ZC3H12B: variants seen among roughly 807,000 people sequenced by gnomAD.
ZC3H12B encodes the protein probable ribonuclease ZC3H12B.
Under a neutral mutation model 43.9 loss-of-function variants are expected in ZC3H12B, and 7 were observed. The observed-to-expected ratio is 0.16, with a 90% CI of 0.09 to 0.30. The LOEUF (loss-of-function observed/expected upper bound fraction) is 0.30. Ranked by LOEUF, ZC3H12B falls within the 10% of genes least tolerant of loss-of-function variation. ZC3H12B has a pLI of 1.00. For missense variants in ZC3H12B, 475 were observed against 670.2 expected (o/e 0.71, Z 3.22); for synonymous variants, 222 against 241.7 (o/e 0.92, Z 0.76).
chrX:65,441,426 G>A (rs1214684087), intron 3 of ZC3H12B, among the ~76,000 whole-genome samples: 1 of 111,619 alleles, frequency 9.0e-6, no homozygotes. Flanking sequence ...TTATTTCACA[G>A]GTAGGATGTT....
upstream of ZC3H12B, among the ~76,000 whole-genome samples, chrX:65,365,295 T>C (rs2066158822): frequency 9.0e-6 from 1 of 111,585 alleles, no homozygotes; most frequent in African/African-American, 3.3e-5. Context: ...TCTTGAGTAC[T>C]CTAATTGGAT....
the ZC3H12B span, among the ~76,000 whole-genome samples, chrX:65,225,813 G>C: frequency 3.6e-5 from 4 of 111,521 alleles, no homozygotes; most frequent in Admixed American, 3.8e-4. Flanking sequence ...AGTGAGAAGG[G>C]AAGTTTAGAG....
the ZC3H12B span, among the ~76,000 whole-genome samples, chrX:65,250,807 G>A: frequency 1.8e-5 from 2 of 111,543 alleles, no homozygotes; most frequent in East Asian, 5.6e-4. Flanking sequence ...TTGTAAATTT[G>A]TTTGAGTTCT....
At chrX:65,351,573 C>T in the ZC3H12B span, among the ~76,000 whole-genome samples, 2 of 112,250 alleles carry the variant, frequency 1.8e-5, no homozygotes, top group South Asian at 3.7e-4. Context: ...ATCCATCTGA[C>T]AAAGGGCTAA....
the ZC3H12B span, among the ~76,000 whole-genome samples, chrX:65,138,500 T>G: frequency 8.9e-6 from 1 of 112,461 alleles, no homozygotes; most frequent in Non-Finnish European, 1.9e-5. Context: ...CACTTGTGTT[T>G]ATTTCATATT....
the ZC3H12B span, among the ~76,000 whole-genome samples, chrX:65,082,739 GA>G: frequency 9.0e-6 from 1 of 110,893 alleles, no homozygotes; most frequent in South Asian, 3.8e-4. Flanking sequence ...AGGAAGTAGG[GA>G]GACTTCCACA....
At chrX:65,092,711 C>A in the ZC3H12B span, among the ~76,000 whole-genome samples, 2 of 112,069 alleles carry the variant, frequency 1.8e-5, no homozygotes. Context: ...ACAGCCTATG[C>A]TCATATGTGT....
the ZC3H12B span, among the ~76,000 whole-genome samples, chrX:65,162,357 A>C: frequency 1.4e-3 from 158 of 111,865 alleles, no homozygotes; most frequent in African/African-American, 4.9e-3. Flanking sequence ...TATCCTGCGG[A>C]GTGTTTTCCA....
chrX:65,049,468 A>G, the ZC3H12B span, among the ~76,000 whole-genome samples: 1 of 111,611 alleles, frequency 9.0e-6, no homozygotes, highest in Non-Finnish European at 1.9e-5. Context: ...ATTGTTGAAT[A>G]TCATTTGACT....
chrX:65,288,602 C>A, the ZC3H12B span, among the ~76,000 whole-genome samples: 3 of 111,550 alleles, frequency 2.7e-5, no homozygotes. Context: ...TAAATTTCAA[C>A]AAAAAGCCAT....
At chrX:65,035,602 C>CGCTCTG in the ZC3H12B span, among the ~76,000 whole-genome samples, 5 of 111,230 alleles carry the variant, frequency 4.5e-5, no homozygotes, top group Non-Finnish European at 9.4e-5. Context: ...CCTTTCCCCT[C>CGCTCTG]GCTCTGGCTC....
At chrX:65,116,922 G>A in the ZC3H12B span, among the ~76,000 whole-genome samples, 1 of 112,020 alleles carries the variant, frequency 8.9e-6, no homozygotes, top group Non-Finnish European at 1.9e-5. Flanking sequence ...GTATTCCATG[G>A]TGTATATGTG....
At chrX:65,206,953 A>T in the ZC3H12B span, among the ~76,000 whole-genome samples, 2 of 109,362 alleles carry the variant, frequency 1.8e-5, no homozygotes, top group Non-Finnish European at 3.8e-5. Flanking sequence ...AAACCACAGT[A>T]TGATACCACC....
At chrX:65,180,499 G>T in the ZC3H12B span, among the ~76,000 whole-genome samples, 1 of 111,570 alleles carries the variant, frequency 9.0e-6, no homozygotes, top group Non-Finnish European at 1.9e-5. Context: ...TGACATGATT[G>T]TATATTTAGA....
chrX:65,353,508 C>A, the ZC3H12B span, among the ~76,000 whole-genome samples: 1 of 111,963 alleles, frequency 8.9e-6, no homozygotes, highest in Non-Finnish European at 1.9e-5. Context: ...GGCTCTTGCA[C>A]CAAACATTCA....
At chrX:65,238,282 T>C in the ZC3H12B span, among the ~76,000 whole-genome samples, 3 of 111,869 alleles carry the variant, frequency 2.7e-5, no homozygotes, top group African/African-American at 9.7e-5. Flanking sequence ...GAACTTGTTA[T>C]TGGTTTATTT....
intron 3 of ZC3H12B, among the ~76,000 whole-genome samples, chrX:65,452,215 C>T (rs1219742304): frequency 1.8e-5 from 2 of 111,034 alleles, no homozygotes; most frequent in Non-Finnish European, 3.8e-5. Flanking sequence ...TAAAAGGCAT[C>T]CAAATCAGTA....
chrX:65,149,876 G>A, the ZC3H12B span, among the ~76,000 whole-genome samples: 2 of 108,847 alleles, frequency 1.8e-5, no homozygotes, highest in African/African-American at 6.6e-5. Flanking sequence ...GCTACTTATA[G>A]TAATGTTTAG....
At chrX:65,265,308 G>A in the ZC3H12B span, among the ~76,000 whole-genome samples, 4 of 111,944 alleles carry the variant, frequency 3.6e-5, no homozygotes, top group Non-Finnish European at 7.5e-5. Flanking sequence ...ATCTGATACA[G>A]TGGGTCTAAG....
Sources: gnomAD v4.1 joint callset for allele counts (sites outside exome capture counted in the v4.1 genomes callset) on GRCh38, gnomAD v4.1.1 for gene constraint, MANE v1.5 for transcripts, NCBI Gene and HGNC (gene_info 2026-07-23, HGNC 2026-07-21) for gene names.